NCAM2: variants seen among roughly 807,000 people sequenced by gnomAD.
NCAM2 encodes the protein N-CAM-2.
A neutral mutation model predicts 98.1 loss-of-function variants in NCAM2; 30 were observed. That is an observed-to-expected ratio of 0.31 (90% CI 0.23 to 0.41). The LOEUF is 0.41. Among genes scored for constraint, NCAM2 ranks in the 10% least tolerant of loss-of-function variants. The pLI is 1.00. For missense variants in NCAM2, 867 were observed against 1,005.8 expected (o/e 0.86, Z 1.87); for synonymous variants, 368 against 342.4 (o/e 1.07, Z -0.83).
chr21:21,058,569 T>C (rs1352816360), intron 1 of NCAM2, among the ~76,000 whole-genome samples: 1 of 152,106 alleles, frequency 6.6e-6, no homozygotes, highest in Non-Finnish European at 1.5e-5. Context: ...GTATTTTATT[T>C]ACCTGTGTAA....
chr21:21,096,241 T>A (rs976693318), intron 1 of NCAM2, among the ~76,000 whole-genome samples: 15 of 151,582 alleles, frequency 9.9e-5, no homozygotes, highest in African/African-American at 1.5e-4. Flanking sequence ...ATATATATAT[T>A]TTTTTAATTT....
chr21:21,246,091 A>G (rs570700596), intron 1 of NCAM2, among the ~76,000 whole-genome samples: 65 of 152,330 alleles, frequency 4.3e-4, no homozygotes, highest in African/African-American at 1.4e-3. Flanking sequence ...GATAAAAGGT[A>G]CTGAGCCTTT....
chr21:21,278,922 A>G (rs1304397439), intron 1 of NCAM2, among the ~76,000 whole-genome samples: 10 of 151,994 alleles, frequency 6.6e-5, no homozygotes, highest in Non-Finnish European at 2.9e-5. Context: ...TTGAAATCTC[A>G]TGGGTTTATT....
At chr21:21,537,525 A>G (rs1215098651) in intron 17 of NCAM2, among the ~76,000 whole-genome samples, 1 of 152,332 alleles carries the variant, frequency 6.6e-6, no homozygotes, top group African/African-American at 2.4e-5. Flanking sequence ...AAGCCACCCT[A>G]TAGTGAGCAA....
chr21:21,029,737 C>A (rs1254115081), intron 1 of NCAM2, among the ~76,000 whole-genome samples: 1 of 151,926 alleles, frequency 6.6e-6, no homozygotes, highest in African/African-American at 2.4e-5. Flanking sequence ...TTCAAGTGAT[C>A]CCCCTGCCTT....
chr21:21,337,247 G>A (rs1046334089), intron 7 of NCAM2, among the ~76,000 whole-genome samples: 2 of 151,904 alleles, frequency 1.3e-5, no homozygotes, highest in African/African-American at 4.8e-5. Flanking sequence ...AAAGAAAAAA[G>A]ATTTTTTACA....
At chr21:21,002,761 T>G (rs1175116883) in intron 1 of NCAM2, among the ~76,000 whole-genome samples, 2 of 152,190 alleles carry the variant, frequency 1.3e-5, no homozygotes, top group Non-Finnish European at 2.9e-5. Flanking sequence ...AGTGTTGATA[T>G]GTGCAAAATT....
At chr21:21,231,399 A>G (rs1324174223) in intron 1 of NCAM2, among the ~76,000 whole-genome samples, 1 of 151,366 alleles carries the variant, frequency 6.6e-6, no homozygotes, top group Non-Finnish European at 1.5e-5. Flanking sequence ...GGAAAACAGT[A>G]TAAGACTTTC....
At chr21:21,497,074 C>T (rs545614582) in intron 15 of NCAM2, among the ~76,000 whole-genome samples, 77 of 152,144 alleles carry the variant, frequency 5.1e-4, no homozygotes, top group East Asian at 1.5e-3. Flanking sequence ...ATAGATAGAG[C>T]GGGAGGCCAT....
chr21:21,114,717 C>T (rs1034609590), intron 1 of NCAM2, among the ~76,000 whole-genome samples: 1 of 152,198 alleles, frequency 6.6e-6, no homozygotes, highest in Non-Finnish European at 1.5e-5. Flanking sequence ...ACAGACCAAA[C>T]ACACTTCAGG....
chr21:21,367,238 AT>A (rs1033681409), intron 8 of NCAM2, among the ~76,000 whole-genome samples: 5 of 151,706 alleles, frequency 3.3e-5, no homozygotes, highest in African/African-American at 1.2e-4. Flanking sequence ...TCTATTGGTG[AT>A]TTTTTTTATA....
At chr21:21,155,969 C>T (rs2067599786) in intron 1 of NCAM2, among the ~76,000 whole-genome samples, 1 of 151,946 alleles carries the variant, frequency 6.6e-6, no homozygotes, top group Non-Finnish European at 1.5e-5. Context: ...CTATCATACC[C>T]CTTCATTTTC....
chr21:21,529,095 T>C (rs1989486629), intron 16 of NCAM2, among the ~76,000 whole-genome samples: 1 of 152,106 alleles, frequency 6.6e-6, no homozygotes, highest in Non-Finnish European at 1.5e-5. Context: ...CACAGATGAA[T>C]GAGGTCTTAT....
chr21:21,336,930 T>C (rs1480588607), intron 7 of NCAM2, among the ~76,000 whole-genome samples: 2 of 152,196 alleles, frequency 1.3e-5, no homozygotes, highest in African/African-American at 2.4e-5. Context: ...AGAATGATGA[T>C]CTTCTAATGA....
intron 15 of NCAM2, among the ~76,000 whole-genome samples, chr21:21,502,683 CCGTA>C (rs1478893455): frequency 6.6e-6 from 1 of 151,902 alleles, no homozygotes; most frequent in Admixed American, 6.6e-5. Flanking sequence ...TGGAAAGATA[CCGTA>C]CGTAGTAATA....
chr21:21,275,087 A>G (rs2072674280), intron 1 of NCAM2, among the ~76,000 whole-genome samples: 1 of 152,142 alleles, frequency 6.6e-6, no homozygotes. Flanking sequence ...TGTTATGATA[A>G]TGATTATCTT....
At chr21:21,110,653 A>T (rs2066435977) in intron 1 of NCAM2, among the ~76,000 whole-genome samples, 2 of 150,772 alleles carry the variant, frequency 1.3e-5, no homozygotes, top group Admixed American at 1.3e-4. Context: ...TGTATGAGTT[A>T]TTTTTTTGGA....
intron 1 of NCAM2, among the ~76,000 whole-genome samples, chr21:21,269,814 A>G (rs949737609): frequency 1.6e-4 from 25 of 152,188 alleles, no homozygotes; most frequent in African/African-American, 5.5e-4. Flanking sequence ...TAAGTTTCAC[A>G]TTTTCTGACA....
intron 1 of NCAM2, among the ~76,000 whole-genome samples, chr21:21,031,452 C>T (rs1315250083): frequency 6.6e-6 from 1 of 152,150 alleles, no homozygotes; most frequent in Non-Finnish European, 1.5e-5. Flanking sequence ...TGGGCCCAAC[C>T]ACCTCCCAAA....
Sources: allele counts gnomAD v4.1 joint callset (sites outside exome capture counted in the v4.1 genomes callset), GRCh38; gene constraint gnomAD v4.1.1; transcripts MANE v1.5; gene names NCBI Gene and HGNC (gene_info 2026-07-23, HGNC 2026-07-21).